Variants in CFAP92 observed in about 807,000 individuals in gnomAD.
The protein encoded by CFAP92 is cilia and flagella associated protein 92 (putative).
CFAP92 carries 86 observed loss-of-function variants against 106.3 expected under a neutral mutation model. The ratio of observed to expected loss-of-function variants is 0.81; its 90% CI spans 0.68 to 0.97. The LOEUF is 0.97. Ranked by LOEUF, CFAP92 falls within the 50% of genes least tolerant of loss-of-function variation. The probability of loss-of-function intolerance (pLI) is 0.00; values close to 1 mark genes in which losing one functional copy is unlikely to be tolerated. For synonymous variants in CFAP92, 477 were observed against 506.4 expected, an observed-to-expected ratio of 0.94 and a Z score of 0.78; for missense variants, 1,204 against 1,283.8, an observed-to-expected ratio of 0.94 and a Z score of 0.95.
intron 15 of CFAP92, among the ~76,000 whole-genome samples, chr3:128,913,653 A>G (rs953891990): frequency 6.6e-6 from 1 of 152,164 alleles, no homozygotes; most frequent in African/African-American, 2.4e-5. Flanking sequence ...ATAGGCAAGG[A>G]GGAGACTGGG....
chr3:128,993,408 T>A (rs966466249), intron 1 of CFAP92, 72 bp from the exon 2 acceptor site: 3 of 1,457,348 alleles, frequency 2.1e-6, no homozygotes, highest in East Asian at 2.5e-5. Context: ...CCCGGCCTCC[T>A]GCAGAAGCAC....
chr3:128,972,880 G>C (rs1576585700), intron 7 of CFAP92, among the ~76,000 whole-genome samples: 1 of 151,296 alleles, frequency 6.6e-6, no homozygotes, highest in Admixed American at 6.6e-5. Flanking sequence ...AAAAGATAGA[G>C]AGATGATGTT....
intron 12 of CFAP92, among the ~76,000 whole-genome samples, chr3:128,925,804 A>C (rs1937605319): frequency 6.6e-6 from 1 of 152,246 alleles, no homozygotes; most frequent in Non-Finnish European, 1.5e-5. Context: ...AAATTTAAGC[A>C]GCCAGAGACA....
chr3:128,991,022 G>C (rs150407806), intron 2 of CFAP92, among the ~76,000 whole-genome samples: 575 of 152,252 alleles, frequency 3.8e-3, no homozygotes, highest in Non-Finnish European at 7.0e-3. Context: ...GTCATTTAAA[G>C]GTATTGGCAT....
chr3:128,923,644 G>C (rs1937484553), intron 12 of CFAP92, among the ~76,000 whole-genome samples: 1 of 152,228 alleles, frequency 6.6e-6, no homozygotes, highest in South Asian at 2.1e-4. Flanking sequence ...TAAGGGCTAA[G>C]ACAAATGAAG....
intron 7 of CFAP92, among the ~76,000 whole-genome samples, chr3:128,974,413 T>C (rs1422730121): frequency 1.3e-5 from 2 of 152,174 alleles, no homozygotes; most frequent in Non-Finnish European, 2.9e-5. Flanking sequence ...ATGAGGAAGT[T>C]GATTTAGTGG....
At chr3:128,984,230 T>A (rs908703250) in intron 4 of CFAP92, among the ~76,000 whole-genome samples, 1 of 152,168 alleles carries the variant, frequency 6.6e-6, no homozygotes, top group African/African-American at 2.4e-5. Context: ...AAGTGTCAAC[T>A]TGATTGAAGG....
intron 9 of CFAP92, among the ~76,000 whole-genome samples, chr3:128,948,411 A>G (rs142281314): frequency 0.095 from 9,958 of 104,770 alleles, 421 homozygotes; most frequent in Middle Eastern, 0.21. Flanking sequence ...TTTTGTAGAG[A>G]CAGAGTTTTA....
intron 4 of CFAP92, chr3:128,978,456 G>A (rs1000899916): frequency 3.7e-5 from 10 of 267,580 alleles, no homozygotes; most frequent in South Asian, 1.1e-4. Context: ...GGCCAGATAC[G>A]GTGGCTCATG....
intron 7 of CFAP92, among the ~76,000 whole-genome samples, chr3:128,972,204 ATATC>A (rs1432147178): frequency 6.6e-6 from 1 of 152,190 alleles, no homozygotes; most frequent in East Asian, 1.9e-4. Flanking sequence ...CATCAGAAGA[ATATC>A]TAGGAGACTA....
chr3:128,929,543 T>A (rs1004156511), intron 12 of CFAP92, among the ~76,000 whole-genome samples: 3 of 152,178 alleles, frequency 2.0e-5, no homozygotes, highest in African/African-American at 7.2e-5. Flanking sequence ...AAGTGGTGAA[T>A]GGATAAATGT....
rs1223287551 is a variant in CFAP92, at chr3:129,001,689, C to G, written n.117+885G>C. 2.7e-6 allele frequency: 4 copies of G among 1,487,618 alleles called. No individual in the cohort carries two copies. The African/African-American group carries it at 5.8e-5, about 22-fold the overall frequency. The allele number at this position is 1,487,618 out of a possible 1,614,324, so 92.2% of individuals were successfully genotyped here. On this transcript the variant is annotated intron_variant and non_coding_transcript_variant, in intron 1 of 4. Transcript: ENST00000510149. ...GGAGGGCGCGGGAGGTGACCCGTAC[C>G]GGCGACCTGCGCGGCGCACGCAGTG...
chr3:128,927,333 G>A (rs530410548), intron 12 of CFAP92, among the ~76,000 whole-genome samples: 1 of 149,840 alleles, frequency 6.7e-6, no homozygotes, highest in Non-Finnish European at 1.5e-5. Context: ...AGGAAGGAAG[G>A]AAGAGTATCC....
intron 12 of CFAP92, among the ~76,000 whole-genome samples, chr3:128,918,986 TG>T (rs1937050917): frequency 6.8e-6 from 1 of 147,612 alleles, no homozygotes; most frequent in South Asian, 2.1e-4. Context: ...TTGCTCTTGT[TG>T]CCCAGGTTGG....
chr3:129,001,843 G>A (rs750291278), intron 1 of CFAP92: 2 of 1,545,542 alleles, frequency 1.3e-6, no homozygotes, highest in Non-Finnish European at 8.7e-7. Flanking sequence ...CGCGGCGCCG[G>A]CCGTCTGCCC....
rs1459560950 is a variant in CFAP92 at position 128,945,271 on chromosome 3, C to T, written c.2058G>A (p.Lys686=). The T allele has an allele frequency of 6.5e-7, 1 of 1,536,152 alleles. No individual in the cohort carries two copies. The highest frequency in any genetic ancestry group is 8.7e-7 in the Non-Finnish European group (1 of 1,146,908). Reference sequence around the variant, plus strand: ...CAGGGTAGGAGTCCAGGCCGAGGGCCTTAGCGTTGATCATGGTGATGTCCT... The same window carrying T: ...CAGGGTAGGAGTCCAGGCCGAGGGCTTTAGCGTTGATCATGGTGATGTCCT... ...LLQDITMINA[K]ALGLDSYPVR... Residue 686 remains lysine (K), a synonymous_variant, in exon 10 of 16, where the codon AAG becomes AAA. Transcript: ENST00000645291.
At chr3:128,935,723 C>A (rs928550716) in intron 10 of CFAP92, among the ~76,000 whole-genome samples, 2 of 151,810 alleles carry the variant, frequency 1.3e-5, no homozygotes, top group East Asian at 3.9e-4. Flanking sequence ...AAAACAAAAA[C>A]AAAACAAAAA....
At chr3:128,998,604 A>C (rs964313256), upstream of CFAP92, among the ~76,000 whole-genome samples, 1 of 152,222 alleles carries the variant, frequency 6.6e-6, no homozygotes. Flanking sequence ...TAAATCACTC[A>C]AGATATGGCA....
Position 129,001,428 on chromosome 3 carries a change from C to T in CFAP92, n.117+1146G>A, listed in dbSNP as rs543497073. Among the ~76,000 whole-genome samples the T allele has an allele frequency of 5.3e-5, 8 of 152,336 alleles. No individual in the cohort carries two copies. The East Asian group carries it at 1.5e-3, about 29-fold the overall frequency. Reference sequence around the variant, plus strand: ...GTCCCGGGGGTTCCTGGACCCCCTACCCCAGGCCCCTCCAAAGCAACTGGG... The same window carrying T: ...GTCCCGGGGGTTCCTGGACCCCCTATCCCAGGCCCCTCCAAAGCAACTGGG... On this transcript the variant is annotated intron_variant and non_coding_transcript_variant, in intron 1 of 4. Transcript: ENST00000510149.
Sources: gnomAD v4.1 joint callset for allele counts (sites outside exome capture counted in the v4.1 genomes callset) on GRCh38, gnomAD v4.1.1 for gene constraint, MANE v1.5 for transcripts, NCBI Gene and HGNC (gene_info 2026-07-23, HGNC 2026-07-21) for gene names.